The following KDM4B variants were observed in gnomAD, a reference collection of about 807,000 sequenced individuals.
KDM4B encodes lysine-specific demethylase 4B.
KDM4B carries 32 observed loss-of-function variants against 125.2 expected under a neutral mutation model. That is an observed-to-expected ratio of 0.26 (90% CI 0.19 to 0.34). The LOEUF is 0.34. KDM4B is among the 10% of genes least tolerant of loss of function. KDM4B has a pLI of 1.00. For missense variants in KDM4B, 1,190 were observed against 1,577.7 expected (o/e 0.75, Z 4.16); for synonymous variants, 721 against 677.9 (o/e 1.06, Z -0.99).
chr19:5,144,183 C>T lies in KDM4B; in HGVS notation c.2736+31C>T, dbSNP rs199776334. The T allele has an allele frequency of 3.1e-6, 5 of 1,587,820 alleles. No homozygotes were observed. In the African/African-American group the frequency reaches 6.7e-5, roughly 21 times the overall value. On this transcript the variant is annotated intron_variant, in intron 19 of 22. Transcript: ENST00000159111. ...TGCCTGCCCGCCTCCTTGCCCCCAG[C>T]CCCTGGCTCCCGCCCCCACCGACAC... is the stretch of plus-strand genomic sequence containing the variant.
At chr19:5,040,351 G>A (rs1443808102) in intron 4 of KDM4B, among the ~76,000 whole-genome samples, 3 of 152,172 alleles carry the variant, frequency 2.0e-5, no homozygotes, top group Admixed American at 1.3e-4. Flanking sequence ...GGCTCCACAC[G>A]GGTACATGCA....
intron 21 of KDM4B, among the ~76,000 whole-genome samples, chr19:5,148,065 G>A (rs2039882636): frequency 6.6e-6 from 1 of 152,178 alleles, no homozygotes; most frequent in African/African-American, 2.4e-5. Context: ...CCGCCTGTCC[G>A]GAACACTTGG....
chr19:5,061,600 C>G (rs2037599863), intron 6 of KDM4B, among the ~76,000 whole-genome samples: 3 of 152,106 alleles, frequency 2.0e-5, no homozygotes, highest in African/African-American at 7.2e-5. Flanking sequence ...TGGCTCATGC[C>G]TGTAATTCCA....
intron 8 of KDM4B, among the ~76,000 whole-genome samples, chr19:5,079,695 G>A (rs532700333): frequency 6.6e-6 from 1 of 152,306 alleles, no homozygotes; most frequent in African/African-American, 2.4e-5. Context: ...GCTCAAATAG[G>A]ATAAAGGAAT....
rs1244332954 is a variant in KDM4B at position 4,969,125 on chromosome 19, C to G, written c.-214C>G. 3 of 150,772 alleles carry G rather than the reference C, an allele frequency of 2.0e-5. No individual in the cohort carries two copies. The highest frequency in any genetic ancestry group is 7.3e-5 in the African/African-American group (3 of 41,154). 9.3% of individuals were successfully genotyped at this position (150,772 alleles called of 1,614,324 possible). A position where few individuals can be genotyped will look rare whatever the true frequency, so the allele number is the denominator to read the frequency against. On this transcript the variant is annotated 5_prime_UTR_variant, in exon 1 of 23. Coordinates refer to ENST00000159111, the MANE Select transcript of KDM4B (RefSeq NM_015015.3). ...CGAGCGCTTGCGGAGGGCTCGGTCG[C>G]CAGCAACCGAGCGGGGCCCGGCCCG...
At position 5,137,312 on chromosome 19, in the gene KDM4B, C is replaced by T. The variant is rs1186182125; in HGVS notation, c.2359C>T (p.Arg787Trp). The change falls in exon 16 of 23, where the codon CGG becomes TGG. Residue 787 changes from arginine to tryptophan, a missense_variant. Coordinates refer to ENST00000159111, the MANE Select transcript of KDM4B (RefSeq NM_015015.3). Reference protein sequence around the residue: ...ELVNEGWTCSRCAAHAWTAEC... With the variant: ...ELVNEGWTCSWCAAHAWTAEC... ...GGTCAATGAAGGCTGGACGTGTTCC[C>T]GGTGCGCGGCCCACGCCTGGACTGC... 3 of 1,578,128 alleles carry T rather than the reference C, an allele frequency of 1.9e-6. No individual in the cohort carries two copies. Among genetic ancestry groups the T allele is most frequent in the Non-Finnish European group, 2.6e-6 (3 of 1,162,318 alleles).
chr19:5,074,537 C>G (rs1202793966), intron 7 of KDM4B: 1 of 152,260 alleles, frequency 6.6e-6, no homozygotes, highest in Non-Finnish European at 1.5e-5. Context: ...TTTGTTAGAG[C>G]TTTAATGAGA....
At chr19:4,993,624 T>C (rs1341163554) in intron 1 of KDM4B, among the ~76,000 whole-genome samples, 3 of 152,146 alleles carry the variant, frequency 2.0e-5, no homozygotes, top group Non-Finnish European at 4.4e-5. Context: ...GTTTGTTTTT[T>C]TTTTGAGATG....
chr19:5,091,789 G>A (rs927168076), intron 9 of KDM4B, among the ~76,000 whole-genome samples: 6 of 152,196 alleles, frequency 3.9e-5, no homozygotes, highest in South Asian at 2.1e-4. Flanking sequence ...ACGGAGGTGC[G>A]GGAAACTCCA....
At chr19:5,083,074 C>G (rs62115603) in intron 9 of KDM4B, among the ~76,000 whole-genome samples, 12 of 152,176 alleles carry the variant, frequency 7.9e-5, no homozygotes, top group Non-Finnish European at 1.3e-4. Flanking sequence ...CTTAGCATGC[C>G]CGTGGGAAGA....
At chr19:5,109,225 GC>G (rs1450713880) in intron 9 of KDM4B, among the ~76,000 whole-genome samples, 5 of 152,148 alleles carry the variant, frequency 3.3e-5, no homozygotes, top group African/African-American at 1.2e-4. Flanking sequence ...GGTTTTTCCA[GC>G]CCCATCTCAG....
intron 1 of KDM4B, among the ~76,000 whole-genome samples, chr19:4,970,737 C>T (rs1463763018): frequency 2.0e-5 from 2 of 100,362 alleles, no homozygotes; most frequent in African/African-American, 3.0e-5. Context: ...TCCTGCAGCC[C>T]CTGCTGAAGC....
intron 1 of KDM4B, among the ~76,000 whole-genome samples, chr19:5,000,643 A>G (rs1405372524): frequency 6.6e-6 from 1 of 152,214 alleles, no homozygotes; most frequent in Admixed American, 6.5e-5. Flanking sequence ...TCTCAAAGAC[A>G]TACAGTCCCA....
Position 5,137,669 on chromosome 19 carries a change from G to C in KDM4B, c.2434G>C (p.Asp812His). 6.3e-7 allele frequency: 1 copy of C among 1,591,014 alleles called. No homozygotes were observed. The highest frequency in any genetic ancestry group is 8.5e-7 in the Non-Finnish European group (1 of 1,172,476). The change falls in exon 17 of 23, where the codon GAT (aspartate) becomes CAT (histidine). Residue 812 changes from aspartate (D) to histidine (H), a missense_variant. Around this residue, in one of 7 missense-constraint regions of KDM4B, gnomAD observed 298 missense variants for 439.7 expected, o/e 0.68. Coordinates refer to ENST00000159111, the MANE Select transcript of KDM4B (RefSeq NM_015015.3). ...AGGAGGTGCGCTGCAGATGACCACCGATAGGAGGTGGGTGGCACCGCGCGT... is the reference window on the plus strand; with the variant it reads ...AGGAGGTGCGCTGCAGATGACCACCCATAGGAGGTGGGTGGCACCGCGCGT... ...LRGGALQMTT[D>H]RRWIHVICAI...
intron 6 of KDM4B, among the ~76,000 whole-genome samples, chr19:5,048,279 C>T (rs868312643): frequency 6.6e-6 from 1 of 152,306 alleles, no homozygotes; most frequent in Admixed American, 6.5e-5. Flanking sequence ...GCAGCGAGGC[C>T]GTGTGGGGGT....
At position 5,023,398 on chromosome 19, in the gene KDM4B, C is replaced by T. The variant is rs139185107; in HGVS notation, c.-26+7059C>T. Among the ~76,000 whole-genome samples the T allele has an allele frequency of 7.8e-3, 1,183 of 152,336 alleles. 46 individuals carry two copies. Among genetic ancestry groups the T allele is most frequent in the Admixed American group, 0.065 (996 of 15,290 alleles). Reference sequence around the variant, plus strand: ...GGTGATGCGGTGCCAGGCCACATGCCCGGGGCTGGGGCCGAGTGGCGTTCT... The same window carrying T: ...GGTGATGCGGTGCCAGGCCACATGCTCGGGGCTGGGGCCGAGTGGCGTTCT... On this transcript the variant is annotated intron_variant, in intron 2 of 22. Coordinates refer to ENST00000159111, the MANE Select transcript of KDM4B (RefSeq NM_015015.3).
chr19:5,122,734 C>T (rs2039383400), intron 11 of KDM4B, among the ~76,000 whole-genome samples: 2 of 152,206 alleles, frequency 1.3e-5, no homozygotes, highest in South Asian at 4.1e-4. Context: ...GGGCTCAGCC[C>T]CCCAAGGAAG....
At chr19:5,087,383 G>A (rs1420287626) in intron 9 of KDM4B, among the ~76,000 whole-genome samples, 1 of 152,188 alleles carries the variant, frequency 6.6e-6, no homozygotes, top group African/African-American at 2.4e-5. Context: ...CTCCACTCCT[G>A]CTCATCCCCT....
intron 3 of KDM4B, among the ~76,000 whole-genome samples, chr19:5,039,308 A>G (rs1469969873): frequency 6.6e-6 from 1 of 152,198 alleles, no homozygotes; most frequent in Non-Finnish European, 1.5e-5. Context: ...TAAAAAAATT[A>G]GCTGGGCATG....
Sources: allele counts gnomAD v4.1 joint callset (sites outside exome capture counted in the v4.1 genomes callset), GRCh38; gene constraint gnomAD v4.1.1; regional missense constraint gnomAD v4.1.1; transcripts MANE v1.5; gene names NCBI Gene and HGNC (gene_info 2026-07-23, HGNC 2026-07-21).